Variants in ANGPT1 observed in about 807,000 individuals in gnomAD.
ANGPT1 encodes angiopoietin-1.
In ANGPT1, 17 loss-of-function variants were observed where a neutral mutation model predicts 62.2. That is an observed-to-expected ratio of 0.27 (90% CI 0.19 to 0.41). ANGPT1 has a LOEUF of 0.41. Among genes scored for constraint, ANGPT1 ranks in the 10% least tolerant of loss-of-function variants. The pLI is 1.00. For missense variants in ANGPT1, 478 were observed against 594.9 expected (o/e 0.80, Z 2.04); for synonymous variants, 199 against 198.9 (o/e 1.00, Z 0.00).
At chr8:107,455,428 A>C (rs1040209588) in intron 1 of ANGPT1, among the ~76,000 whole-genome samples, 2 of 152,050 alleles carry the variant, frequency 1.3e-5, no homozygotes, top group Admixed American at 6.6e-5. Context: ...CTCTGCTTAC[A>C]TTTCCAGCAA....
chr8:107,435,768 G>A (rs1811316816), intron 1 of ANGPT1, among the ~76,000 whole-genome samples: 1 of 152,182 alleles, frequency 6.6e-6, no homozygotes, highest in Non-Finnish European at 1.5e-5. Flanking sequence ...ATGTGCCGGG[G>A]ATGACGATAG....
intron 1 of ANGPT1, among the ~76,000 whole-genome samples, chr8:107,382,208 A>G (rs1816651794): frequency 6.6e-6 from 1 of 152,246 alleles, no homozygotes; most frequent in Non-Finnish European, 1.5e-5. Context: ...AATAGGTCAT[A>G]AATCTGGAGA....
chr8:107,422,091 G>C (rs988034704), intron 1 of ANGPT1, among the ~76,000 whole-genome samples: 5 of 152,096 alleles, frequency 3.3e-5, no homozygotes, highest in Non-Finnish European at 5.9e-5. Flanking sequence ...CTACAAATGA[G>C]AATACTTCAT....
At chr8:107,342,483 T>C (rs562833347) in intron 2 of ANGPT1, among the ~76,000 whole-genome samples, 34 of 152,274 alleles carry the variant, frequency 2.2e-4, no homozygotes, top group African/African-American at 7.9e-4. Context: ...AAATGGTCTC[T>C]TGTGTAACAA....
At chr8:107,465,656 C>G (rs1464685751) in intron 1 of ANGPT1, among the ~76,000 whole-genome samples, 2 of 152,110 alleles carry the variant, frequency 1.3e-5, no homozygotes, top group Non-Finnish European at 2.9e-5. Context: ...TCTTCGTTTT[C>G]AAGTAAATGC....
chr8:107,399,288 T>A (rs1310859643), intron 1 of ANGPT1, among the ~76,000 whole-genome samples: 1 of 152,144 alleles, frequency 6.6e-6, no homozygotes, highest in Non-Finnish European at 1.5e-5. Context: ...GTGACATAAG[T>A]CAAGGACTGT....
chr8:107,328,836 A>G (rs1815351244), intron 3 of ANGPT1, among the ~76,000 whole-genome samples: 1 of 151,978 alleles, frequency 6.6e-6, no homozygotes. Context: ...TAAAATGTGA[A>G]GATAACTTGT....
intron 1 of ANGPT1, among the ~76,000 whole-genome samples, chr8:107,407,159 C>T (rs992994899): frequency 2.0e-5 from 3 of 152,108 alleles, no homozygotes; most frequent in Non-Finnish European, 2.9e-5. Context: ...CCTCAGTAGG[C>T]GGATTTTATT....
chr8:107,258,012 G>A (rs1813410810), intron 8 of ANGPT1, among the ~76,000 whole-genome samples: 1 of 141,628 alleles, frequency 7.1e-6, no homozygotes, highest in Non-Finnish European at 1.5e-5. Context: ...TTGTTCTAAA[G>A]ATGAAAAGTT....
At chr8:107,466,793 T>A (rs1203611012) in intron 1 of ANGPT1, among the ~76,000 whole-genome samples, 1 of 151,892 alleles carries the variant, frequency 6.6e-6, no homozygotes, top group East Asian at 1.9e-4. Flanking sequence ...TCGCCTATAA[T>A]CCCAGTTACT....
chr8:107,448,572 A>G (rs1811678834), intron 1 of ANGPT1, among the ~76,000 whole-genome samples: 1 of 152,132 alleles, frequency 6.6e-6, no homozygotes, highest in South Asian at 2.1e-4. Flanking sequence ...TAGGGAGTAC[A>G]GGAGAGGACT....
In ANGPT1 at chr8:107,470,699, A is replaced by AG. The variant is rs201779707; in HGVS notation, c.297+26562dup. 9.5e-3 allele frequency among the ~76,000 whole-genome samples: 1,450 copies of AG among 152,214 alleles called. 20 individuals are homozygous for AG. The highest frequency in any genetic ancestry group is 0.033 in the African/African-American group (1,382 of 41,544). ...TCTTTTGGTGTTTTAGAAATTTACA[A>AG]GAAAAAAACAAACAACCCCATCAAA... On this transcript the variant is annotated intron_variant, in intron 1 of 8. Coordinates refer to ENST00000517746, the MANE Select transcript of ANGPT1 (RefSeq NM_001146.5).
intron 7 of ANGPT1, among the ~76,000 whole-genome samples, chr8:107,274,787 C>A (rs1483885762): frequency 3.9e-5 from 6 of 152,042 alleles, no homozygotes. Context: ...GTGTTGAATG[C>A]ACAAAAAAAC....
intron 1 of ANGPT1, among the ~76,000 whole-genome samples, chr8:107,476,901 C>A (rs1812547532): frequency 6.6e-6 from 1 of 152,024 alleles, no homozygotes; most frequent in South Asian, 2.1e-4. Context: ...AGAATTCAAC[C>A]TTTTCCCTAG....
At chr8:107,290,794 C>T (rs1029202591) in intron 6 of ANGPT1, among the ~76,000 whole-genome samples, 3 of 152,020 alleles carry the variant, frequency 2.0e-5, no homozygotes, top group African/African-American at 7.2e-5. Flanking sequence ...GGGTAAACTC[C>T]ATAAAACATG....
At chr8:107,337,460 A>G in intron 2 of ANGPT1, among the ~76,000 whole-genome samples, 1 of 152,160 alleles carries the variant, frequency 6.6e-6, no homozygotes, top group Non-Finnish European at 1.5e-5. Context: ...ATCATTCTCC[A>G]GGCAAAGAAT....
chr8:107,461,247 AT>A (rs539461538), intron 1 of ANGPT1, among the ~76,000 whole-genome samples: 56 of 152,226 alleles, frequency 3.7e-4, no homozygotes, highest in South Asian at 2.5e-3. Context: ...CACTTTTGAA[AT>A]TTGGGAAACT....
intron 4 of ANGPT1, among the ~76,000 whole-genome samples, chr8:107,318,356 A>T (rs1815069854): frequency 6.6e-6 from 1 of 152,244 alleles, no homozygotes; most frequent in Admixed American, 6.5e-5. Context: ...ACAACATCAG[A>T]TGTGTTAGTA....
At chr8:107,489,721 T>C (rs1019141108) in intron 1 of ANGPT1, among the ~76,000 whole-genome samples, 4 of 152,122 alleles carry the variant, frequency 2.6e-5, no homozygotes, top group Non-Finnish European at 4.4e-5. Flanking sequence ...ACCTCTTTGA[T>C]AAGAGAGGGG....
Sources: gnomAD v4.1 joint callset for allele counts (sites outside exome capture counted in the v4.1 genomes callset) on GRCh38, gnomAD v4.1.1 for gene constraint, MANE v1.5 for transcripts, NCBI Gene and HGNC (gene_info 2026-07-23, HGNC 2026-07-21) for gene names.